MAPK10: variants seen among roughly 807,000 people sequenced by gnomAD.
MAPK10 encodes the protein JNK3 alpha protein kinase.
MAPK10 carries 25 observed loss-of-function variants against 59.3 expected under a neutral mutation model. The ratio of observed to expected loss-of-function variants is 0.42; its 90% CI spans 0.31 to 0.59. The LOEUF (loss-of-function observed/expected upper bound fraction) is 0.59. MAPK10 is among the 20% of genes least tolerant of loss of function. The pLI is 0.15. For missense variants in MAPK10, 351 were observed against 568.9 expected (o/e 0.62, Z 3.90); for synonymous variants, 190 against 200.5 (o/e 0.95, Z 0.44).
At position 86,014,264 on chromosome 4, in the gene MAPK10, T is replaced by A. The variant is rs7677101; in HGVS notation, c.*2964A>T. On this transcript the variant is annotated 3_prime_UTR_variant, in exon 14 of 14. Coordinates refer to ENST00000641462, the MANE Select transcript of MAPK10 (RefSeq NM_138982.4). ...TTGCCTACCGGAAAAGTTGGGATGT[T>A]CTTGGGAAATAACAGGTGACTATTT... is the stretch of plus-strand genomic sequence containing the variant. 25,614 of 151,516 alleles carry A rather than the reference T, an allele frequency of 0.17. 2,899 individuals carry two copies. The highest frequency in any genetic ancestry group is 0.32 in the African/African-American group (13,225 of 41,090). 9.4% of individuals were successfully genotyped at this position (151,516 alleles called of 1,614,324 possible).
At chr4:86,536,220 A>G (rs569720691) in intron 1 of MAPK10, among the ~76,000 whole-genome samples, 2 of 152,326 alleles carry the variant, frequency 1.3e-5, no homozygotes, top group African/African-American at 4.8e-5. Flanking sequence ...TTTCTTACAT[A>G]ATACTTATAA....
chr4:86,445,636 G>GA (rs1461976842), intron 1 of MAPK10, among the ~76,000 whole-genome samples: 1 of 151,738 alleles, frequency 6.6e-6, no homozygotes, highest in African/African-American at 2.4e-5. Context: ...AAGCCAGAGG[G>GA]AAAAAACACT....
chr4:86,278,033 A>C (rs554766432), intron 2 of MAPK10, among the ~76,000 whole-genome samples: 1 of 152,124 alleles, frequency 6.6e-6, no homozygotes, highest in Non-Finnish European at 1.5e-5. Flanking sequence ...AAAACATACA[A>C]AAGAGGATGG....
intron 4 of MAPK10, chr4:86,107,771 T>C: frequency 7.4e-6 from 3 of 403,446 alleles, no homozygotes; most frequent in Non-Finnish European, 1.0e-5. Flanking sequence ...TGTTAATATA[T>C]GATATTTAAT....
At chr4:86,523,855 C>T (rs185351699) in intron 1 of MAPK10, among the ~76,000 whole-genome samples, 2 of 152,330 alleles carry the variant, frequency 1.3e-5, no homozygotes, top group African/African-American at 2.4e-5. Flanking sequence ...CATTTTCTTT[C>T]TCTATCTACG....
intron 2 of MAPK10, among the ~76,000 whole-genome samples, chr4:86,314,741 A>G (rs73834280): frequency 0.027 from 4,060 of 152,272 alleles, 172 homozygotes; most frequent in African/African-American, 0.091. Flanking sequence ...ACATGCAAGG[A>G]AAATACTTAG....
At chr4:86,298,571 G>A (rs2148838665) in intron 2 of MAPK10, among the ~76,000 whole-genome samples, 1 of 152,304 alleles carries the variant, frequency 6.6e-6, no homozygotes, top group East Asian at 1.9e-4. Flanking sequence ...CTTGTCTCCT[G>A]CTCTGGAAGC....
chr4:86,544,538 C>T (rs1258329323), intron 1 of MAPK10, among the ~76,000 whole-genome samples: 1 of 152,174 alleles, frequency 6.6e-6, no homozygotes, highest in Admixed American at 6.5e-5. Context: ...TTCAACAAAT[C>T]AAAGTGTCAC....
rs1476392110 is a variant in MAPK10 at position 86,015,521 on chromosome 4, A to G, written c.*1707T>C. 1 of 152,230 alleles carries G rather than the reference A, an allele frequency of 6.6e-6. No individual in the cohort carries two copies. Among genetic ancestry groups the G allele is most frequent in the Non-Finnish European group, 1.5e-5 (1 of 68,034 alleles). The allele number at this position is 152,230 out of a possible 1,614,324, so 9.4% of individuals were successfully genotyped here. On this transcript the variant is annotated 3_prime_UTR_variant, in exon 14 of 14. Coordinates refer to ENST00000641462, the MANE Select transcript of MAPK10 (RefSeq NM_138982.4). ...AACTGTGATGGATACTTCGAAGTGA[A>G]TAAGAAGGGAAGCCTGATTATTGCT...
At chr4:86,572,356 A>G (rs1761524622) in intron 1 of MAPK10, among the ~76,000 whole-genome samples, 1 of 152,134 alleles carries the variant, frequency 6.6e-6, no homozygotes, top group Non-Finnish European at 1.5e-5. Flanking sequence ...AAACAACTCT[A>G]GTTCAAATAA....
intron 3 of MAPK10, among the ~76,000 whole-genome samples, chr4:86,163,164 A>C (rs1180722862): frequency 6.6e-6 from 1 of 152,156 alleles, no homozygotes; most frequent in Admixed American, 6.6e-5. Context: ...TAAGGCATGG[A>C]CATAATAGCA....
At chr4:86,039,185 C>T (rs1051630499) in intron 11 of MAPK10, among the ~76,000 whole-genome samples, 9 of 152,142 alleles carry the variant, frequency 5.9e-5, no homozygotes, top group Non-Finnish European at 1.0e-4. Context: ...AACAACTATC[C>T]GCACACAAAA....
chr4:86,397,734 T>G (rs1243335819), intron 1 of MAPK10, among the ~76,000 whole-genome samples: 1 of 152,028 alleles, frequency 6.6e-6, no homozygotes, highest in East Asian at 1.9e-4. Flanking sequence ...TATTTGACCC[T>G]TAGCCTTTGC....
chr4:86,354,359 T>C (rs997351786), intron 2 of MAPK10, among the ~76,000 whole-genome samples, 171 bp downstream of exon 2: 3 of 152,136 alleles, frequency 2.0e-5, no homozygotes, highest in African/African-American at 7.2e-5. Flanking sequence ...GTGGTATTAG[T>C]AGTACCACAC....
At position 86,573,666 on chromosome 4, in the gene MAPK10, A is replaced by G. The variant is rs375452519; in HGVS notation, c.-263+20244T>C. 3.7e-4 allele frequency among the ~76,000 whole-genome samples: 57 copies of G among 152,346 alleles called. No homozygotes were observed. The South Asian group carries it at 0.011, about 30-fold the overall frequency. ...TTGATTGAAATTGCACAGATTCTAT[A>G]GATAAATGTGAGATAAATTTACCCA... is the stretch of plus-strand genomic sequence containing the variant. On this transcript the variant is annotated intron_variant, in intron 1 of 4. Coordinates refer to the MAPK10 transcript ENST00000502302.
At chr4:86,450,189 G>A (rs1750539028) in intron 1 of MAPK10, among the ~76,000 whole-genome samples, 1 of 152,190 alleles carries the variant, frequency 6.6e-6, no homozygotes, top group Admixed American at 6.5e-5. Flanking sequence ...TACTGTGCCT[G>A]CACATTACAA....
At chr4:86,147,710 T>C (rs1400665650) in intron 4 of MAPK10, among the ~76,000 whole-genome samples, 1 of 152,236 alleles carries the variant, frequency 6.6e-6, no homozygotes, top group Non-Finnish European at 1.5e-5. Context: ...ATATCTGTGA[T>C]ATTTATTATC....
chr4:86,179,973 C>CAA (rs527802012), intron 3 of MAPK10, among the ~76,000 whole-genome samples: 3,569 of 149,320 alleles, frequency 0.024, 156 homozygotes, highest in African/African-American at 0.082. Context: ...GGCAACAAAA[C>CAA]AAAAAAAAAT....
intron 11 of MAPK10, among the ~76,000 whole-genome samples, chr4:86,046,698 A>G (rs773535002): frequency 1.3e-5 from 2 of 152,160 alleles, no homozygotes; most frequent in Non-Finnish European, 2.9e-5. Context: ...TTTAAAAAGT[A>G]GATTCCAGCT....
Sources: allele counts gnomAD v4.1 joint callset (sites outside exome capture counted in the v4.1 genomes callset), GRCh38; gene constraint gnomAD v4.1.1; transcripts MANE v1.5; gene names NCBI Gene and HGNC (gene_info 2026-07-23, HGNC 2026-07-21).